The following CNTROB variants were observed in gnomAD, a reference collection of about 807,000 sequenced individuals.
CNTROB encodes centrobin.
CNTROB carries 82 observed loss-of-function variants against 115.7 expected under a neutral mutation model. The ratio of observed to expected loss-of-function variants is 0.71; its 90% CI spans 0.59 to 0.85. The LOEUF (loss-of-function observed/expected upper bound fraction) is 0.85. Ranked by LOEUF, CNTROB falls within the 40% of genes least tolerant of loss-of-function variation. The pLI, the probability that CNTROB is intolerant of heterozygous loss-of-function variation, is 0.00. For synonymous variants in CNTROB, 439 were observed against 456.4 expected (o/e 0.96, Z 0.49); for missense variants, 1,014 against 1,144.4 (o/e 0.89, Z 1.64).
rs780789745 is a variant in CNTROB at position 7,944,205 on chromosome 17, C to T, written c.1528C>T (p.Arg510Ter). Residue 510 changes from arginine to a stop codon, truncating the protein, a stop_gained, in exon 11 of 19, where the codon CGA becomes TGA. Transcript: ENST00000563694. LOFTEE classifies it high-confidence loss of function. The surrounding 1 kb of genome is among the most constrained non-coding windows in gnomAD (Gnocchi z 4.0). ...TCAGTTCAAGGTGGAAATGGCAGAA[C>T]GAGAGGAACGGCAACAGCAGGTGGC... Reference protein sequence around the residue: ...LAQFKVEMAEREERQQQVAED... With the variant: ...LAQFKVEMAE The T allele has an allele frequency of 1.1e-5, 18 of 1,613,566 alleles. No homozygotes were observed. The highest frequency in any genetic ancestry group is 2.2e-5 in the East Asian group (1 of 44,876).
rs1205018821 is a variant in CNTROB, at chr17:7,933,180, T to G, written c.101T>G (p.Val34Gly). Residue 34 changes from valine (V) to glycine (G), a missense_variant, in exon 1 of 19, where the codon GTG becomes GGG. Coordinates refer to ENST00000563694, the MANE Select transcript of CNTROB (RefSeq NM_053051.5). Reference protein sequence around the residue: ...PPGLNQVSSEVTSQLYASLRL... With the variant: ...PPGLNQVSSEGTSQLYASLRL... ...GGGCTCAACCAAGTGTCGTCTGAAG[T>G]GACCTCCCAGCTCTATGCTTCTTTG... The G allele has an allele frequency of 6.2e-7, 1 of 1,614,080 alleles. No individual in the cohort carries two copies. Among genetic ancestry groups the G allele is most frequent in the African/African-American group, 1.3e-5 (1 of 74,926 alleles).
chr17:7,948,347 T>C lies in CNTROB; in HGVS notation c.2380+20T>C, dbSNP rs528014252. ...AGAGAGGTGAGCATGTTCTGGTTTA[T>C]TAGGGAAAAAAGGAGGGACAGTCCT... On this transcript the variant is annotated intron_variant, in intron 16 of 18. Transcript: ENST00000563694. This position sits in a 1 kb window ranked among gnomAD's most constrained non-coding sequence, Gnocchi z 4.4. 4.3e-6 allele frequency: 7 copies of C among 1,613,454 alleles called. No individual in the cohort carries two copies. Among genetic ancestry groups the C allele is most frequent in the African/African-American group, 4.0e-5 (3 of 74,964 alleles).
chr17:7,940,314 G>A, intron 9 of CNTROB, 72 bp downstream of exon 9: 1 of 1,411,622 alleles, frequency 7.1e-7, no homozygotes, highest in East Asian at 2.5e-5. Context: ...CCTCTCAGGA[G>A]TTGTGGCAGA....
In CNTROB at chr17:7,936,703, C is replaced by A; in HGVS notation, c.714C>A (p.Thr238=). The stretch of plus-strand genomic sequence containing the variant: ...TCATCTTACTTGCCCTACCTAAGAC[C>A]CTGGCCCGTGTGGTGGAGGGCTGGA... The part of the protein sequence containing the change: ...KDTMIEQLDK[T]LARVVEGWNR... Residue 238 remains threonine (T), a splice_region_variant and synonymous_variant, in exon 6 of 19, where the codon ACC becomes ACA. Transcript: ENST00000563694. 4 of 1,386,736 alleles carry A rather than the reference C, an allele frequency of 2.9e-6. No homozygotes were observed. Among genetic ancestry groups the A allele is most frequent in the Non-Finnish European group, 4.1e-6 (4 of 972,354 alleles). 85.9% of individuals were successfully genotyped at this position (1,386,736 alleles called of 1,614,324 possible). A position where few individuals can be genotyped will look rare whatever the true frequency, so the allele number is the denominator to read the frequency against.
chr17:7,949,181 C>A, intron 18 of CNTROB, 24 bp downstream of exon 18: 1 of 1,611,422 alleles, frequency 6.2e-7, no homozygotes, highest in Non-Finnish European at 8.5e-7. Context: ...AGGCAGGGAC[C>A]AGGGGAGAAA....
intron 7 of CNTROB, 109 bp downstream of exon 7, chr17:7,937,371 A>G: frequency 1.6e-6 from 2 of 1,289,834 alleles, no homozygotes; most frequent in Non-Finnish European, 2.2e-6. Flanking sequence ...GCACCAGAGC[A>G]CTGTTTCCCA....
At position 7,943,350 on chromosome 17, in the gene CNTROB, C is replaced by G. The variant is rs755195027; in HGVS notation, c.1312-41C>G. 6.5e-7 allele frequency: 1 copy of G among 1,546,842 alleles called. No individual in the cohort carries two copies. Among genetic ancestry groups the G allele is most frequent in the Non-Finnish European group, 8.9e-7 (1 of 1,124,276 alleles). On this transcript the variant is annotated intron_variant, in intron 9 of 18. Coordinates refer to ENST00000563694, the MANE Select transcript of CNTROB (RefSeq NM_053051.5). This position sits in a 1 kb window ranked among gnomAD's most constrained non-coding sequence, Gnocchi z 4.7. The stretch of plus-strand genomic sequence containing the variant: ...TATATCCTCCATCCTCTTCTAAGCC[C>G]AAACAGATTTGGGCCGTTATCCCAC...
intron 9 of CNTROB, among the ~76,000 whole-genome samples, chr17:7,941,248 C>T (rs767729885): frequency 1.3e-5 from 2 of 152,142 alleles, no homozygotes; most frequent in Admixed American, 1.3e-4. Flanking sequence ...GTCTGAGAGG[C>T]TATGTTCCTT....
At position 7,945,763 on chromosome 17, in the gene CNTROB, G is replaced by A. The variant is rs1974459781; in HGVS notation, c.1770G>A (p.Gln590=). The A allele has an allele frequency of 6.2e-7, 1 of 1,614,220 alleles. No homozygotes were observed. The highest frequency in any genetic ancestry group is 8.5e-7 in the Non-Finnish European group (1 of 1,180,046). Residue 590 remains glutamine, a synonymous_variant, in exon 13 of 19, where the codon CAG becomes CAA. Transcript: ENST00000563694. ...CTGGACCCTCCAGCCCCGGGCCTCA[G>A]GAGCCCGAGAAGGAGGAGAGGAGGG... The part of the protein sequence containing the change: ...PPAGPSSPGP[Q]EPEKEERRVW...
chr17:7,933,021 T>G lies in CNTROB; in HGVS notation c.-59T>G. 1 of 1,563,984 alleles carries G rather than the reference T, an allele frequency of 6.4e-7. No individual in the cohort carries two copies. The highest frequency in any genetic ancestry group is 1.2e-5 in the South Asian group (1 of 85,088). On this transcript the variant is annotated 5_prime_UTR_variant, in exon 1 of 19. Coordinates refer to ENST00000563694, the MANE Select transcript of CNTROB (RefSeq NM_053051.5). Reference sequence around the variant, plus strand: ...TCTCCGTGAACTTTTCCTCCTGGACTTTGCTAAAGCAGAACCTCCCAGCTC... The same window carrying G: ...TCTCCGTGAACTTTTCCTCCTGGACGTTGCTAAAGCAGAACCTCCCAGCTC...
Position 7,945,847 on chromosome 17 carries a change from A to G in CNTROB, c.1854A>G (p.Glu618=). ...AGCCTGTATTGCAGCAGAGCCGGGA[A>G]GCAAGGGACGAGCTACCTGGAGCGC... ...ALKPVLQQSR[E]ARDELPGAPP... Residue 618 remains glutamate (E), a synonymous_variant, in exon 13 of 19, where the codon GAA becomes GAG. Coordinates refer to ENST00000563694, the MANE Select transcript of CNTROB (RefSeq NM_053051.5). 1 of 1,614,192 alleles carries G rather than the reference A, an allele frequency of 6.2e-7. No individual in the cohort carries two copies. Among genetic ancestry groups the G allele is most frequent in the Non-Finnish European group, 8.5e-7 (1 of 1,180,038 alleles).
Position 7,944,686 on chromosome 17 carries a change from A to C in CNTROB, c.1734+48A>C. The C allele has an allele frequency of 6.4e-7, 1 of 1,552,022 alleles. No individual in the cohort carries two copies. The highest frequency in any genetic ancestry group is 8.7e-7 in the Non-Finnish European group (1 of 1,147,612). The stretch of plus-strand genomic sequence containing the variant: ...AGCTTCTCCGTTATGTTCTATTTTT[A>C]TTTTTATTTTTGAGACAGGGTCTCA... On this transcript the variant is annotated intron_variant, in intron 12 of 18. Coordinates refer to ENST00000563694, the MANE Select transcript of CNTROB (RefSeq NM_053051.5). The surrounding 1 kb of genome is among the most constrained non-coding windows in gnomAD (Gnocchi z 4.0).
chr17:7,937,126 C>T (rs1451235864), intron 6 of CNTROB, 38 bp from the exon 7 acceptor site: 1 of 1,609,526 alleles, frequency 6.2e-7, no homozygotes, highest in African/African-American at 1.3e-5. Context: ...ACAGATTTCC[C>T]ACAGTTCCTC....
rs1368029586 is a variant in CNTROB at position 7,939,009 on chromosome 17, C to T, written c.928-504C>T. ...GGCCAGGCTGGTCCCAAACTCCTGACCTCAGATGATCTGCCTGCCTCAGCC... is the reference window on the plus strand; with the variant it reads ...GGCCAGGCTGGTCCCAAACTCCTGATCTCAGATGATCTGCCTGCCTCAGCC... On this transcript the variant is annotated intron_variant, in intron 7 of 18. Transcript: ENST00000563694. This position sits in a 1 kb window ranked among gnomAD's most constrained non-coding sequence, Gnocchi z 4.4. Among the ~76,000 whole-genome samples, 1 of 152,144 alleles carries T rather than the reference C, an allele frequency of 6.6e-6. No individual in the cohort carries two copies. Among genetic ancestry groups the T allele is most frequent in the Non-Finnish European group, 1.5e-5 (1 of 68,030 alleles).
Position 7,944,153 on chromosome 17 carries a change from C to T in CNTROB, c.1476C>T (p.His492=). 1 of 1,609,956 alleles carries T rather than the reference C, an allele frequency of 6.2e-7. No homozygotes were observed. ...AGCTGCAGGACCTGAGTGGACAGCA[C>T]CAGCAGGAGCTGGCCAGTCAGCTAG... The part of the protein sequence containing the change: ...RKQLQDLSGQ[H]QQELASQLAQ... The change falls in exon 11 of 19, where the codon CAC becomes CAT. Residue 492 remains histidine (H), a synonymous_variant. Coordinates refer to ENST00000563694, the MANE Select transcript of CNTROB (RefSeq NM_053051.5). This position sits in a 1 kb window ranked among gnomAD's most constrained non-coding sequence, Gnocchi z 4.0.
intron 4 of CNTROB, 29 bp downstream of exon 4, chr17:7,935,174 CA>C: frequency 1.2e-6 from 2 of 1,613,386 alleles, no homozygotes; most frequent in South Asian, 2.2e-5. Flanking sequence ...CTTTCGAAAG[CA>C]GCAAAGATTA....
At chr17:7,946,466 T>C (rs1440887524) in intron 13 of CNTROB, among the ~76,000 whole-genome samples, 1 of 152,234 alleles carries the variant, frequency 6.6e-6, no homozygotes, top group Non-Finnish European at 1.5e-5. Context: ...TCTGATTGGA[T>C]TGGCTGACCT....
Position 7,948,519 on chromosome 17 carries a change from A to G in CNTROB, c.2413A>G (p.Met805Val), listed in dbSNP as rs1489608171. ...TGGGCTTACATTCCCAAGGCAGCTG[A>G]TGGAGGTGTCTCAACTGTTGCGACT... The part of the protein sequence containing the change: ...GDGLTFPRQL[M>V]EVSQLLRLYQ... The change falls in exon 17 of 19, where the codon ATG (methionine) becomes GTG (valine). Residue 805 changes from methionine (M) to valine (V), a missense_variant. Met to Val is a conservative substitution (Grantham distance 21). Coordinates refer to ENST00000563694, the MANE Select transcript of CNTROB (RefSeq NM_053051.5). The surrounding 1 kb of genome is among the most constrained non-coding windows in gnomAD (Gnocchi z 4.4). The G allele has an allele frequency of 1.2e-6, 2 of 1,614,042 alleles. No individual in the cohort carries two copies. Among genetic ancestry groups the G allele is most frequent in the South Asian group, 2.2e-5 (2 of 91,080 alleles).
chr17:7,946,881 A>G (rs2151777447), intron 13 of CNTROB, among the ~76,000 whole-genome samples: 1 of 152,024 alleles, frequency 6.6e-6, no homozygotes, highest in South Asian at 2.1e-4. Flanking sequence ...AAAAAAAAAA[A>G]AAGAGATTAC....
Sources: allele counts gnomAD v4.1 joint callset (sites outside exome capture counted in the v4.1 genomes callset), GRCh38; gene constraint gnomAD v4.1.1; non-coding constraint Gnocchi (gnomAD v3.1); transcripts MANE v1.5; gene names NCBI Gene and HGNC (gene_info 2026-07-23, HGNC 2026-07-21).